The following SAMD4A variants were observed in gnomAD, a reference collection of about 807,000 sequenced individuals.
SAMD4A encodes the protein protein Smaug homolog 1.
Under a neutral mutation model 81.3 loss-of-function variants are expected in SAMD4A, and 33 were observed. The observed-to-expected ratio is 0.41, with a 90% confidence interval of 0.31 to 0.54. The LOEUF (loss-of-function observed/expected upper bound fraction) is 0.54, where lower values mean the gene tolerates loss of function less well. SAMD4A is among the 20% of genes least tolerant of loss of function. SAMD4A has a pLI of 0.37. For missense variants in SAMD4A, 854 were observed against 951.1 expected (o/e 0.90, Z 1.34); for synonymous variants, 389 against 382.1 (o/e 1.02, Z -0.21).
intron 9 of SAMD4A, among the ~76,000 whole-genome samples, chr14:54,772,737 C>G (rs2038737668): frequency 6.6e-6 from 1 of 152,016 alleles, no homozygotes. Context: ...AAGGAAAAAT[C>G]ATAGCAGAAT....
chr14:54,774,754 C>T (rs1053270178), intron 9 of SAMD4A, among the ~76,000 whole-genome samples, 180 bp from the exon 10 acceptor site: 2 of 145,584 alleles, frequency 1.4e-5, no homozygotes, highest in African/African-American at 5.1e-5. Flanking sequence ...GTCAAGGCTG[C>T]AGTGAGCCTA....
intron 2 of SAMD4A, among the ~76,000 whole-genome samples, chr14:54,586,857 G>A (rs1349215879): frequency 6.6e-6 from 1 of 152,136 alleles, no homozygotes; most frequent in Admixed American, 6.5e-5. Flanking sequence ...GTCAGGTAAT[G>A]TGATTCCTCC....
chr14:54,596,811 G>A (rs889255791), intron 2 of SAMD4A, among the ~76,000 whole-genome samples: 1 of 152,144 alleles, frequency 6.6e-6, no homozygotes, highest in Non-Finnish European at 1.5e-5. Context: ...GCCTCCCAGG[G>A]CACACATCAG....
chr14:54,640,997 C>T (rs188241403), intron 2 of SAMD4A, among the ~76,000 whole-genome samples: 9 of 152,316 alleles, frequency 5.9e-5, no homozygotes, highest in Admixed American at 5.9e-4. Flanking sequence ...TTGAGCTTCA[C>T]CTCTCTCCAA....
At position 54,774,639 on chromosome 14, in the gene SAMD4A, A is replaced by T. The variant is rs1183905348; in HGVS notation, c.1716-295A>T. Among the ~76,000 whole-genome samples, 3 of 130,538 alleles carry T rather than the reference A, an allele frequency of 2.3e-5. No homozygotes were observed. In the South Asian group the frequency reaches 7.4e-4, roughly 32 times the overall value. The allele number at this position is 130,538 out of a possible 152,430, so 85.6% of individuals were successfully genotyped here. A position where few individuals can be genotyped will look rare whatever the true frequency, so the allele number is the denominator to read the frequency against. ...AGACCAGCCTGGGCGACATAGTGAG[A>T]CTCCATCTCTACCAAAAAAAAAAAG... On this transcript the variant is annotated intron_variant, in intron 9 of 12. Coordinates refer to ENST00000554335, the MANE Select transcript of SAMD4A (RefSeq NM_015589.6).
chr14:54,783,812 G>T (rs999217421), intron 11 of SAMD4A, among the ~76,000 whole-genome samples: 2 of 152,194 alleles, frequency 1.3e-5, no homozygotes, highest in African/African-American at 2.4e-5. Flanking sequence ...TAAGAGGTGC[G>T]TGCTGGGCCC....
At chr14:54,673,337 A>G (rs973556951) in intron 2 of SAMD4A, among the ~76,000 whole-genome samples, 1 of 152,246 alleles carries the variant, frequency 6.6e-6, no homozygotes, top group Non-Finnish European at 1.5e-5. Flanking sequence ...GAATGAGATC[A>G]TATAAATAGT....
rs751896726 is a variant in SAMD4A at position 54,702,426 on chromosome 14, C to T, written c.561C>T (p.Leu187=). The change falls in exon 3 of 13, where the codon CTC becomes CTT. Residue 187 remains leucine, a synonymous_variant. Coordinates refer to ENST00000554335, the MANE Select transcript of SAMD4A (RefSeq NM_015589.6). ...AAAGACAGAACTCTGATGACAAGCT[C>T]AATGGGTGGCAGAACTCTCGGGATT... ...YHQRQNSDDK[L]NGWQNSRDSG... is the part of the protein sequence containing the mutation. The T allele has an allele frequency of 4.4e-5, 71 of 1,614,022 alleles. No individual in the cohort carries two copies. The highest frequency in any genetic ancestry group is 5.8e-5 in the Non-Finnish European group (69 of 1,180,024).
At chr14:54,755,516 A>G (rs1044540326) in intron 6 of SAMD4A, among the ~76,000 whole-genome samples, 6 of 152,186 alleles carry the variant, frequency 3.9e-5, no homozygotes, top group Non-Finnish European at 5.9e-5. Flanking sequence ...AACACAGGCT[A>G]TGCTCGCCCA....
At chr14:54,606,212 T>TGTGCGTGC (rs1051852191) in intron 2 of SAMD4A, among the ~76,000 whole-genome samples, 67 of 150,370 alleles carry the variant, frequency 4.5e-4, no homozygotes, top group African/African-American at 1.5e-3. Flanking sequence ...TGTGTGTGTG[T>TGTGCGTGC]GCGTGCACGT....
chr14:54,702,671 C>T, intron 3 of SAMD4A, 91 bp downstream of exon 3: 1 of 1,417,274 alleles, frequency 7.1e-7, no homozygotes, highest in Non-Finnish European at 9.7e-7. Flanking sequence ...CTCCATGCAC[C>T]CTGTGACCCT....
chr14:54,689,874 A>T (rs1257327658), intron 2 of SAMD4A: 16 of 152,278 alleles, frequency 1.1e-4, no homozygotes. Flanking sequence ...GACGCTGGGG[A>T]CATCATCTGT....
At chr14:54,593,706 A>C (rs138874155) in intron 2 of SAMD4A, among the ~76,000 whole-genome samples, 1 of 152,180 alleles carries the variant, frequency 6.6e-6, no homozygotes, top group Non-Finnish European at 1.5e-5. Flanking sequence ...CTTGAAACCA[A>C]TATGTATGAG....
At chr14:54,751,045 T>G (rs1020958628) in intron 5 of SAMD4A, among the ~76,000 whole-genome samples, 2 of 152,174 alleles carry the variant, frequency 1.3e-5, no homozygotes, top group Non-Finnish European at 2.9e-5. Flanking sequence ...GAAGATTGCT[T>G]GAGCCCAGGA....
intron 2 of SAMD4A, among the ~76,000 whole-genome samples, chr14:54,677,532 C>T (rs1047021435): frequency 6.6e-6 from 1 of 152,186 alleles, no homozygotes; most frequent in African/African-American, 2.4e-5. Flanking sequence ...ATGACTCATT[C>T]CTGGCATTTC....
chr14:54,570,621 G>T (rs2033102547), intron 2 of SAMD4A, among the ~76,000 whole-genome samples: 1 of 152,170 alleles, frequency 6.6e-6, no homozygotes, highest in Non-Finnish European at 1.5e-5. Flanking sequence ...GAAGGCTTGG[G>T]AATATTAGGG....
At chr14:54,706,280 C>CA (rs112193724) in intron 3 of SAMD4A, among the ~76,000 whole-genome samples, 25,414 of 110,326 alleles carry the variant, frequency 0.23, 4,455 homozygotes, top group African/African-American at 0.48. Flanking sequence ...GACTTAGTCT[C>CA]AAAAAAAAAA....
At chr14:54,708,981 T>C (rs988232184) in intron 3 of SAMD4A, among the ~76,000 whole-genome samples, 5 of 152,176 alleles carry the variant, frequency 3.3e-5, no homozygotes, top group South Asian at 4.1e-4. Context: ...TAGAAGGCAT[T>C]AAAAATAGGT....
In SAMD4A at chr14:54,567,279, C is replaced by T. The variant is rs1441082564; in HGVS notation, c.-481C>T. 2.0e-5 allele frequency: 3 copies of T among 152,364 alleles called. No homozygotes were observed. The highest frequency in any genetic ancestry group is 2.1e-4 in the South Asian group (1 of 4,832). The allele number at this position is 152,364 out of a possible 1,614,324, so 9.4% of individuals were successfully genotyped here. A position where few individuals can be genotyped will look rare whatever the true frequency, so the allele number is the denominator to read the frequency against. On this transcript the variant is annotated 5_prime_UTR_variant, in exon 1 of 13. Coordinates refer to ENST00000554335, the MANE Select transcript of SAMD4A (RefSeq NM_015589.6). The stretch of plus-strand genomic sequence containing the variant: ...CAGGAAGCCGCGGGGTCTCCTCCCG[C>T]ACCTGGGAAGCAGGCTTCTCGCTGT...
Sources: allele counts gnomAD v4.1 joint callset (sites outside exome capture counted in the v4.1 genomes callset), GRCh38; gene constraint gnomAD v4.1.1; transcripts MANE v1.5; gene names NCBI Gene and HGNC (gene_info 2026-07-23, HGNC 2026-07-21).